The following FST variants were observed in gnomAD, a reference collection of about 807,000 sequenced individuals.
FST encodes the protein follistatin, also known as activin-binding protein.
FST carries 6 observed loss-of-function variants against 38.4 expected under a neutral mutation model. The ratio of observed to expected loss-of-function variants is 0.16; its 90% CI spans 0.09 to 0.31. The LOEUF is 0.31. Ranked by LOEUF, FST falls within the 10% of genes least tolerant of loss-of-function variation. The pLI is 1.00. For synonymous variants in FST, 157 were observed against 169.8 expected, an observed-to-expected ratio of 0.92 and a Z score of 0.59; for missense variants, 301 against 432.3, an observed-to-expected ratio of 0.70 and a Z score of 2.69.
chr5:53,484,546 C>T (rs1393142758), intron 4 of FST, among the ~76,000 whole-genome samples: 1 of 152,214 alleles, frequency 6.6e-6, no homozygotes, highest in Non-Finnish European at 1.5e-5. Flanking sequence ...TTAGAACTTA[C>T]TCAATTTTAC....
In FST at chr5:53,486,836, A is replaced by G. The variant is rs1417653275; in HGVS notation, c.*803A>G. The G allele has an allele frequency of 6.6e-6, 1 of 152,070 alleles. No homozygotes were observed. Among genetic ancestry groups the G allele is most frequent in the African/African-American group, 2.4e-5 (1 of 41,406 alleles). 9.4% of individuals were successfully genotyped at this position (152,070 alleles called of 1,614,324 possible). A position where few individuals can be genotyped will look rare whatever the true frequency, so the allele number is the denominator to read the frequency against. Reference sequence around the variant, plus strand: ...AAGGATGTTGAAGGCTACACATTCAACCTTTTGTTAGGTGTTTCCTTTAAG... The same window carrying G: ...AAGGATGTTGAAGGCTACACATTCAGCCTTTTGTTAGGTGTTTCCTTTAAG... On this transcript the variant is annotated 3_prime_UTR_variant, in exon 6 of 6. Transcript: ENST00000256759.
rs1747361918 is a variant in FST at position 53,483,438 on chromosome 5, G to A, written c.278-66G>A. 1 of 1,295,720 alleles carries A rather than the reference G, an allele frequency of 7.7e-7. No homozygotes were observed. Among genetic ancestry groups the A allele is most frequent in the Admixed American group, 1.8e-5 (1 of 56,998 alleles). 80.3% of individuals were successfully genotyped at this position (1,295,720 alleles called of 1,614,324 possible). ...TGCATGATTGCGCAAGGCACCCGAA[G>A]CCCTCCTGGCTGACCTGCAGACTGC... On this transcript the variant is annotated intron_variant, in intron 2 of 5. Transcript: ENST00000256759. This position sits in a 1 kb window ranked among gnomAD's most constrained non-coding sequence, Gnocchi z 4.1.
At chr5:53,482,508 G>T (rs1747295953) in intron 1 of FST, among the ~76,000 whole-genome samples, 1 of 151,966 alleles carries the variant, frequency 6.6e-6, no homozygotes, top group Non-Finnish European at 1.5e-5. Flanking sequence ...GTCTCTGCAG[G>T]TTATGAAATG....
intron 1 of FST, 136 bp downstream of exon 1, chr5:53,481,012 G>A (rs1485752795): frequency 5.4e-6 from 2 of 371,800 alleles, no homozygotes; most frequent in Non-Finnish European, 5.0e-6. Context: ...CCGGGATGGA[G>A]AGGAGTGGGA....
chr5:53,482,655 C>G (rs977894745), intron 1 of FST: 3 of 498,508 alleles, frequency 6.0e-6, no homozygotes, highest in Non-Finnish European at 1.1e-5. Flanking sequence ...TCGCCCACCT[C>G]CCATCTCTGT....
In FST at chr5:53,485,079, C is replaced by T; in HGVS notation, c.804C>T (p.Ser268=). 2 of 1,611,968 alleles carry T rather than the reference C, an allele frequency of 1.2e-6. No homozygotes were observed. The highest frequency in any genetic ancestry group is 1.7e-6 in the Non-Finnish European group (2 of 1,178,116). Residue 268 remains serine, a synonymous_variant, in exon 5 of 6, where the codon TCC becomes TCT. Transcript: ENST00000256759. ...WDFKVGRGRC[S]LCDELCPDSK... is the part of the protein sequence containing the mutation. ...TCAAGGTTGGGAGAGGCCGGTGTTC[C>T]CTCTGTGATGAGCTGTGCCCTGACA...
Position 53,483,764 on chromosome 5 carries a change from C to A in FST, c.496+42C>A. 1 of 1,452,782 alleles carries A rather than the reference C, an allele frequency of 6.9e-7. No individual in the cohort carries two copies. The highest frequency in any genetic ancestry group is 9.6e-7 in the Non-Finnish European group (1 of 1,036,716). 90.0% of individuals were successfully genotyped at this position (1,452,782 alleles called of 1,614,324 possible). A position where few individuals can be genotyped will look rare whatever the true frequency, so the allele number is the denominator to read the frequency against. ...TGAGCAAGACTGGATCTGTCCCCTC[C>A]TCCAGCTTTGTACCTAAAGTAGACC... On this transcript the variant is annotated intron_variant, in intron 3 of 5. Transcript: ENST00000256759. This position sits in a 1 kb window ranked among gnomAD's most constrained non-coding sequence, Gnocchi z 4.1.
chr5:53,484,041 T>C (rs769721015), intron 3 of FST, 28 bp from the exon 4 acceptor site: 1 of 1,597,630 alleles, frequency 6.3e-7, no homozygotes, highest in Non-Finnish European at 8.6e-7. Context: ...AAGGTACCTA[T>C]TCATGTGTGT....
chr5:53,482,361 C>T (rs1294165692), intron 1 of FST, among the ~76,000 whole-genome samples: 1 of 148,566 alleles, frequency 6.7e-6, no homozygotes, highest in East Asian at 2.0e-4. Flanking sequence ...CCCTCCATCT[C>T]TCCTCTCTCC....
intron 5 of FST, chr5:53,485,570 C>T: frequency 6.9e-6 from 5 of 721,728 alleles, no homozygotes; most frequent in Non-Finnish European, 9.9e-6. Flanking sequence ...TTTCCAACGA[C>T]AGCTTCATAT....
At position 53,485,755 on chromosome 5, in the gene FST, T is replaced by TG. The variant is rs1747512252; in HGVS notation, c.953-195dup. On this transcript the variant is annotated intron_variant, in intron 5 of 5. Transcript: ENST00000256759. ...CTGCAGTTTTTGACTTCATAGATTA[T>TG]GCTTTAAAAAAATTTTTTTAACTTA... 3.8e-6 allele frequency: 6 copies of TG among 1,595,880 alleles called. No individual in the cohort carries two copies. In the South Asian group the frequency reaches 6.9e-5, roughly 18 times the overall value.
Position 53,484,198 on chromosome 5 carries a change from A to G in FST, c.626A>G (p.Asn209Ser). Residue 209 changes from asparagine to serine, a missense_variant, in exon 4 of 6, where the codon AAT (asparagine) becomes AGT (serine). Asn to Ser is a conservative substitution (Grantham distance 46). Coordinates refer to ENST00000256759, the MANE Select transcript of FST (RefSeq NM_013409.3). Reference protein sequence around the residue: ...PASSEQYLCGNDGVTYSSACH... With the variant: ...PASSEQYLCGSDGVTYSSACH... ...TCCTCTGAGCAATATCTCTGTGGGA[A>G]TGATGGAGTCACCTACTCCAGTGCC... The G allele has an allele frequency of 6.2e-7, 1 of 1,613,426 alleles. No individual in the cohort carries two copies. Among genetic ancestry groups the G allele is most frequent in the South Asian group, 1.1e-5 (1 of 91,066 alleles).
rs1747347285 is a variant in FST, at chr5:53,483,188, C to A, written c.277+117C>A. Reference sequence around the variant, plus strand: ...GAGCTTTGTTCCTGGGCTTCCCCTTCCTGTCCCTTGCCCTGGTAAGCCGTG... The same window carrying A: ...GAGCTTTGTTCCTGGGCTTCCCCTTACTGTCCCTTGCCCTGGTAAGCCGTG... On this transcript the variant is annotated intron_variant, in intron 2 of 5. Coordinates refer to ENST00000256759, the MANE Select transcript of FST (RefSeq NM_013409.3). This position sits in a 1 kb window ranked among gnomAD's most constrained non-coding sequence, Gnocchi z 4.1. 1 of 718,878 alleles carries A rather than the reference C, an allele frequency of 1.4e-6. No individual in the cohort carries two copies. The highest frequency in any genetic ancestry group is 2.4e-6 in the Non-Finnish European group (1 of 413,794). The allele number at this position is 718,878 out of a possible 1,614,324, so 44.5% of individuals were successfully genotyped here. A position where few individuals can be genotyped will look rare whatever the true frequency, so the allele number is the denominator to read the frequency against.
chr5:53,484,265 T>C lies in FST; in HGVS notation c.693T>C (p.Ile231=). 1 of 1,612,526 alleles carries C rather than the reference T, an allele frequency of 6.2e-7. No individual in the cohort carries two copies. ...CTACCTGCCTGCTGGGCAGATCTAT[T>C]GGATTAGCCTATGAGGGAAAGTGTA... is the stretch of plus-strand genomic sequence containing the variant. ...RKATCLLGRS[I]GLAYEGKCIK... is the part of the protein sequence containing the mutation. The change falls in exon 4 of 6, where the codon ATT becomes ATC. Residue 231 remains isoleucine, a synonymous_variant. Transcript: ENST00000256759.
intron 4 of FST, 65 bp downstream of exon 4, chr5:53,484,358 G>GTGT: frequency 6.5e-7 from 1 of 1,527,874 alleles, no homozygotes; most frequent in Non-Finnish European, 8.9e-7. Context: ...AAACTGTGGG[G>GTGT]TTAACTAATA....
chr5:53,481,055 A>G (rs185772145), intron 1 of FST, among the ~76,000 whole-genome samples, 179 bp downstream of exon 1: 79 of 152,172 alleles, frequency 5.2e-4, no homozygotes, highest in African/African-American at 1.8e-3. Flanking sequence ...AGGACTGGGA[A>G]CTGAGTTTGG....
chr5:53,481,484 A>AAAAAAAAAAAAAC (rs1344161772), intron 1 of FST, among the ~76,000 whole-genome samples: 1 of 144,550 alleles, frequency 6.9e-6, no homozygotes, highest in Non-Finnish European at 1.6e-5. Flanking sequence ...AAAAAAAAAA[A>AAAAAAAAAAAAAC]AAGCCAAATT....
Position 53,484,188 on chromosome 5 carries a change from C to T in FST, c.616C>T (p.Leu206Phe). The T allele has an allele frequency of 6.2e-7, 1 of 1,613,400 alleles. No individual in the cohort carries two copies. The highest frequency in any genetic ancestry group is 8.5e-7 in the Non-Finnish European group (1 of 1,179,324). The change falls in exon 4 of 6, where the codon CTC becomes TTC. Residue 206 changes from leucine (L) to phenylalanine (F), a missense_variant. Physicochemically the swap from Leu to Phe is conservative, Grantham distance 22. Transcript: ENST00000256759. ...CPEPASSEQY[L>F]CGNDGVTYSS... ...AGAGCCTGCTTCCTCTGAGCAATAT[C>T]TCTGTGGGAATGATGGAGTCACCTA...
Position 53,484,242 on chromosome 5 carries a change from A to T in FST, c.670A>T (p.Thr224Ser). ...CAGTGCCTGCCACCTGAGAAAGGCT[A>T]CCTGCCTGCTGGGCAGATCTATTGG... ...YSSACHLRKA[T>S]CLLGRSIGLA... The change falls in exon 4 of 6, where the codon ACC (threonine) becomes TCC (serine). Residue 224 changes from threonine to serine, a missense_variant. Transcript: ENST00000256759. The T allele has an allele frequency of 6.2e-7, 1 of 1,610,970 alleles. No individual in the cohort carries two copies. The highest frequency in any genetic ancestry group is 1.1e-5 in the South Asian group (1 of 91,028).
Sources: gnomAD v4.1 joint callset for allele counts (sites outside exome capture counted in the v4.1 genomes callset) on GRCh38, gnomAD v4.1.1 for gene constraint, Gnocchi (gnomAD v3.1) non-coding constraint, MANE v1.5 for transcripts, NCBI Gene and HGNC (gene_info 2026-07-23, HGNC 2026-07-21) for gene names.